MYO16: variants seen among roughly 807,000 people sequenced by gnomAD.
MYO16 encodes unconventional myosin-XVI.
A neutral mutation model predicts 205.3 loss-of-function variants in MYO16; 94 were observed. The observed-to-expected ratio is 0.46, with a 90% CI of 0.39 to 0.54. The LOEUF (loss-of-function observed/expected upper bound fraction) is 0.54, where lower values mean the gene tolerates loss of function less well. Ranked by LOEUF, MYO16 falls within the 20% of genes least tolerant of loss-of-function variation. The pLI is 0.00. For missense variants in MYO16, 2,315 were observed against 2,387.5 expected (o/e 0.97, Z 0.63); for synonymous variants, 988 against 954.0 (o/e 1.04, Z -0.66).
intron 15 of MYO16, among the ~76,000 whole-genome samples, chr13:108,908,942 C>T (rs1434267757): frequency 6.7e-6 from 1 of 148,872 alleles, no homozygotes; most frequent in Admixed American, 6.9e-5. Flanking sequence ...CACTGCACTC[C>T]AGCCTGGGCA....
At chr13:109,091,200 G>A (rs2139690374) in intron 27 of MYO16, among the ~76,000 whole-genome samples, 1 of 152,332 alleles carries the variant, frequency 6.6e-6, no homozygotes, top group African/African-American at 2.4e-5. Context: ...ACACCATGCA[G>A]TGCCTCAGGG....
chr13:109,084,324 C>T (rs1461186120), intron 27 of MYO16, among the ~76,000 whole-genome samples: 3 of 144,692 alleles, frequency 2.1e-5, no homozygotes, highest in African/African-American at 7.6e-5. Context: ...ACCAACACAA[C>T]TGCCGCCTCC....
At chr13:109,099,185 A>G (rs1024002289) in intron 27 of MYO16, among the ~76,000 whole-genome samples, 1 of 152,216 alleles carries the variant, frequency 6.6e-6, no homozygotes, top group African/African-American at 2.4e-5. Flanking sequence ...AGCCAAATGC[A>G]TTGTTGGTGT....
rs570470837 is a variant in MYO16 at position 108,785,854 on chromosome 13, C to T, written c.616+111C>T. 397 of 676,974 alleles carry T rather than the reference C, an allele frequency of 5.9e-4. 1 individual carries two copies. Among genetic ancestry groups the T allele is most frequent in the South Asian group, 4.1e-3 (210 of 50,804 alleles). The allele number at this position is 676,974 out of a possible 1,614,324, so 41.9% of individuals were successfully genotyped here. ...ATTTCCGATGGATGTAGTTTCCGCA[C>T]GTGGTGTAGAAGATGGTATTTTTTC... On this transcript the variant is annotated intron_variant, in intron 5 of 34. Transcript: ENST00000457511.
intron 27 of MYO16, among the ~76,000 whole-genome samples, chr13:109,066,070 G>C (rs1018696833): frequency 6.6e-6 from 1 of 152,126 alleles, no homozygotes; most frequent in Non-Finnish European, 1.5e-5. Context: ...CACAGTTGTT[G>C]CTGAAAAGCC....
chr13:109,176,164 G>A (rs1566549492), intron 33 of MYO16, among the ~76,000 whole-genome samples: 1 of 152,118 alleles, frequency 6.6e-6, no homozygotes, highest in Admixed American at 6.6e-5. Context: ...TTAAAACTGT[G>A]TTATTTTGAT....
chr13:108,634,791 T>A (rs1056820905), intron 1 of MYO16, among the ~76,000 whole-genome samples: 1 of 152,212 alleles, frequency 6.6e-6, no homozygotes, highest in Non-Finnish European at 1.5e-5. Context: ...CCACCCCAGT[T>A]GCTGGCTTTC....
intron 4 of MYO16, among the ~76,000 whole-genome samples, chr13:108,739,331 G>C (rs992339793): frequency 6.6e-6 from 1 of 152,036 alleles, no homozygotes; most frequent in Non-Finnish European, 1.5e-5. Context: ...GGGCAGACCT[G>C]GTGGTGACAA....
At chr13:109,163,301 G>C (rs763406891) in intron 32 of MYO16, among the ~76,000 whole-genome samples, 1 of 152,180 alleles carries the variant, frequency 6.6e-6, no homozygotes, top group Non-Finnish European at 1.5e-5. Context: ...GAAAACAGGA[G>C]TCAATATGGA....
chr13:108,628,034 T>C (rs1879815032), upstream of MYO16, among the ~76,000 whole-genome samples: 1 of 152,198 alleles, frequency 6.6e-6, no homozygotes, highest in Non-Finnish European at 1.5e-5. Flanking sequence ...AGATTTGTAT[T>C]GATTTAAAGA....
chr13:108,885,126 T>C (rs555900134), intron 13 of MYO16, among the ~76,000 whole-genome samples: 1 of 152,336 alleles, frequency 6.6e-6, no homozygotes, highest in Admixed American at 6.5e-5. Context: ...CTTCCACCCA[T>C]TCTTTCTTTT....
Position 109,140,878 on chromosome 13 carries a change from G to A in MYO16, c.4666G>A (p.Gly1556Arg). 2 of 1,595,596 alleles carry A rather than the reference G, an allele frequency of 1.3e-6. No homozygotes were observed. The highest frequency in any genetic ancestry group is 1.7e-6 in the Non-Finnish European group (2 of 1,172,668). The change falls in exon 32 of 35, where the codon GGG becomes AGG. Residue 1556 changes from glycine to arginine, a missense_variant. Physicochemically the swap from Gly to Arg is moderately radical, Grantham distance 125 (BLOSUM62 -2). This residue lies in a region of MYO16 where 1,097 missense variants were observed against 1,092.0 expected (regional missense o/e 1.00). Transcript: ENST00000457511. The surrounding 1 kb of genome is among the most constrained non-coding windows in gnomAD (Gnocchi z 8.0). ...TNLKYPVQPE[G>R]SSPLSPQYSK... The stretch of plus-strand genomic sequence containing the variant: ...CCTCAAGTACCCCGTGCAGCCGGAG[G>A]GGTCGAGCCCGCTGTCCCCGCAGTA...
chr13:108,895,036 A>G (rs73614646), intron 14 of MYO16, among the ~76,000 whole-genome samples: 16,000 of 152,244 alleles, frequency 0.11, 1,319 homozygotes, highest in East Asian at 0.38. Flanking sequence ...TTCACTATGC[A>G]ATAGCTTTCA....
Position 108,964,744 on chromosome 13 carries a change from T to C in MYO16, c.2228-17T>C, listed in dbSNP as rs1225137539. On this transcript the variant is annotated splice_polypyrimidine_tract_variant and intron_variant, in intron 19 of 34. Coordinates refer to ENST00000457511, the MANE Select transcript of MYO16 (RefSeq NM_001198950.3). ...GAACCCTTGTGCTCACTCCTCCTTT[T>C]CTTTCTACCATTTTAGGGGATATGA... is the stretch of plus-strand genomic sequence containing the variant. 2 of 1,613,232 alleles carry C rather than the reference T, an allele frequency of 1.2e-6. No individual in the cohort carries two copies. Among genetic ancestry groups the C allele is most frequent in the Non-Finnish European group, 1.7e-6 (2 of 1,179,536 alleles).
chr13:109,172,093 C>G (rs906239561), intron 33 of MYO16, among the ~76,000 whole-genome samples: 2 of 152,190 alleles, frequency 1.3e-5, no homozygotes, highest in African/African-American at 4.8e-5. Context: ...CTAAGAAGGG[C>G]TTCCATCAGC....
At chr13:109,169,531 A>G (rs1416296617) in intron 33 of MYO16, among the ~76,000 whole-genome samples, 1 of 152,168 alleles carries the variant, frequency 6.6e-6, no homozygotes, top group African/African-American at 2.4e-5. Context: ...AGGGGACATC[A>G]ATACAGATCT....
At chr13:109,204,597 G>A (rs1215382040) in intron 34 of MYO16, among the ~76,000 whole-genome samples, 2 of 152,126 alleles carry the variant, frequency 1.3e-5, no homozygotes, top group Non-Finnish European at 2.9e-5. Flanking sequence ...ACAATAGTTG[G>A]GTTAAGCACA....
chr13:108,524,205 C>A, the MYO16 span, among the ~76,000 whole-genome samples: 8 of 151,896 alleles, frequency 5.3e-5, no homozygotes, highest in Non-Finnish European at 1.2e-4. Context: ...GAGGCTGAGG[C>A]AGGAGAATAG....
the MYO16 span, among the ~76,000 whole-genome samples, chr13:108,559,818 T>A: frequency 2.0e-5 from 3 of 152,216 alleles, no homozygotes; most frequent in Non-Finnish European, 2.9e-5. Flanking sequence ...AAGTGCACAA[T>A]CACTGTGCCA....
Sources: gnomAD v4.1 joint callset for allele counts (sites outside exome capture counted in the v4.1 genomes callset) on GRCh38, gnomAD v4.1.1 for gene constraint, gnomAD v4.1.1 regional missense constraint, Gnocchi (gnomAD v3.1) non-coding constraint, MANE v1.5 for transcripts, NCBI Gene and HGNC (gene_info 2026-07-23, HGNC 2026-07-21) for gene names.